Variants in CSMD3 observed in about 807,000 individuals in gnomAD.
The protein encoded by CSMD3 is CUB and sushi domain-containing protein 3.
CSMD3 carries 177 observed loss-of-function variants against 435.2 expected under a neutral mutation model. The observed-to-expected ratio is 0.41, with a 90% CI of 0.36 to 0.46. The LOEUF is 0.46. CSMD3 is among the 20% of genes least tolerant of loss of function. The pLI, the probability that CSMD3 is intolerant of heterozygous loss-of-function variation, is 0.34. For missense variants in CSMD3, 4,265 were observed against 4,504.6 expected, an observed-to-expected ratio of 0.95 and a Z score of 1.52; for synonymous variants, 1,656 against 1,520.5, an observed-to-expected ratio of 1.09 and a Z score of -2.07.
At chr8:113,310,049 C>T (rs1295919080) in intron 2 of CSMD3, 3 of 152,156 alleles carry the variant, frequency 2.0e-5, no homozygotes, top group Non-Finnish European at 4.4e-5. Flanking sequence ...TACAGCCAAA[C>T]ATCCAAAGTG....
chr8:112,324,403 T>C (rs958313172), intron 45 of CSMD3, among the ~76,000 whole-genome samples: 1 of 152,274 alleles, frequency 6.6e-6, no homozygotes, highest in Admixed American at 6.5e-5. Context: ...AATTTAGTTG[T>C]TTATTAAATA....
intron 3 of CSMD3, among the ~76,000 whole-genome samples, chr8:113,206,190 T>A (rs890668197): frequency 6.6e-6 from 1 of 151,896 alleles, no homozygotes; most frequent in Middle Eastern, 3.4e-3. Context: ...AAATTGCACA[T>A]GTCCCCCTAT....
At chr8:112,824,630 C>G (rs2079623803) in intron 12 of CSMD3, among the ~76,000 whole-genome samples, 1 of 152,124 alleles carries the variant, frequency 6.6e-6, no homozygotes, top group Non-Finnish European at 1.5e-5. Flanking sequence ...TGAATATTGG[C>G]CCCCATTCTC....
intron 24 of CSMD3, among the ~76,000 whole-genome samples, chr8:112,561,777 G>T (rs917250268): frequency 6.6e-6 from 1 of 151,580 alleles, no homozygotes; most frequent in Non-Finnish European, 1.5e-5. Flanking sequence ...TGTTTTGCAA[G>T]TGTTCATACA....
chr8:112,869,162 G>C (rs1458610049), intron 10 of CSMD3, among the ~76,000 whole-genome samples: 1 of 152,144 alleles, frequency 6.6e-6, no homozygotes, highest in Non-Finnish European at 1.5e-5. Flanking sequence ...GTGACAGTGT[G>C]CTTAGCTATT....
At chr8:112,628,037 A>T (rs780795223) in intron 22 of CSMD3, among the ~76,000 whole-genome samples, 1 of 152,184 alleles carries the variant, frequency 6.6e-6, no homozygotes, top group Admixed American at 6.6e-5. Flanking sequence ...GGATGTCTGT[A>T]AATTTGTTTG....
chr8:112,903,574 GT>G (rs1358192664), intron 10 of CSMD3, among the ~76,000 whole-genome samples: 5 of 150,948 alleles, frequency 3.3e-5, no homozygotes, highest in Non-Finnish European at 5.9e-5. Flanking sequence ...AATAATTTTT[GT>G]TTTTTCAGAA....
chr8:113,288,511 CCTT>C (rs963839667), intron 2 of CSMD3, among the ~76,000 whole-genome samples: 4 of 151,808 alleles, frequency 2.6e-5, no homozygotes, highest in South Asian at 2.1e-4. Context: ...ATAATGTCCC[CCTT>C]CTTATTTTTT....
chr8:113,075,937 G>C (rs2089316386), intron 5 of CSMD3, among the ~76,000 whole-genome samples: 1 of 151,698 alleles, frequency 6.6e-6, no homozygotes, highest in South Asian at 2.1e-4. Flanking sequence ...CTTAGTCAAA[G>C]ATAATTTAAT....
intron 3 of CSMD3, among the ~76,000 whole-genome samples, chr8:113,245,273 A>T (rs2093264027): frequency 6.6e-6 from 1 of 152,116 alleles, no homozygotes; most frequent in Non-Finnish European, 1.5e-5. Flanking sequence ...GTAAGTACCT[A>T]TTAGTTAGCA....
chr8:113,009,540 G>A (rs1002244434), intron 6 of CSMD3, among the ~76,000 whole-genome samples: 5 of 151,458 alleles, frequency 3.3e-5, no homozygotes, highest in African/African-American at 7.3e-5. Flanking sequence ...CCCTTGTCAC[G>A]TTGAAAAACT....
intron 27 of CSMD3, among the ~76,000 whole-genome samples, chr8:112,530,188 T>A (rs893244148): frequency 2.6e-5 from 4 of 152,066 alleles, no homozygotes; most frequent in African/African-American, 9.7e-5. Flanking sequence ...ATATTTACAT[T>A]ATGAGAGTGT....
At chr8:113,397,924 G>C (rs1039285920) in intron 1 of CSMD3, among the ~76,000 whole-genome samples, 3 of 152,066 alleles carry the variant, frequency 2.0e-5, no homozygotes, top group African/African-American at 7.2e-5. Context: ...GGTTTTGCTT[G>C]AATATTATGT....
Position 112,315,242 on chromosome 8 carries a change from A to G in CSMD3, c.7361-625T>C, listed in dbSNP as rs745349410. Among the ~76,000 whole-genome samples, 11 of 152,002 alleles carry G rather than the reference A, an allele frequency of 7.2e-5. No individual in the cohort carries two copies. The East Asian group carries it at 1.7e-3, about 24-fold the overall frequency. ...TTTAATAATATACCTCTGCTTTAAT[A>G]TAATATATGTATATATATCAACACA... On this transcript the variant is annotated intron_variant, in intron 47 of 70. Coordinates refer to ENST00000297405, the MANE Select transcript of CSMD3 (RefSeq NM_198123.2).
At chr8:112,663,702 G>C (rs1281695183) in intron 17 of CSMD3, among the ~76,000 whole-genome samples, 3 of 152,216 alleles carry the variant, frequency 2.0e-5, no homozygotes, top group Non-Finnish European at 4.4e-5. Context: ...AATTATTCCT[G>C]TGATGAGGGT....
chr8:113,373,653 A>G (rs1479929740), intron 1 of CSMD3, among the ~76,000 whole-genome samples: 1 of 152,018 alleles, frequency 6.6e-6, no homozygotes, highest in African/African-American at 2.4e-5. Context: ...TTTTCCTTCA[A>G]TGTTACTAAC....
chr8:112,802,376 A>AG (rs2078980048), intron 12 of CSMD3, among the ~76,000 whole-genome samples: 1 of 152,006 alleles, frequency 6.6e-6, no homozygotes, highest in South Asian at 2.1e-4. Flanking sequence ...GGGGAGTTAA[A>AG]GCCTAGGTAC....
chr8:112,479,028 G>A (rs912582962), intron 31 of CSMD3, among the ~76,000 whole-genome samples: 8 of 151,964 alleles, frequency 5.3e-5, no homozygotes, highest in Non-Finnish European at 1.2e-4. Flanking sequence ...AATAAAATTC[G>A]TCTTCACCCT....
intron 2 of CSMD3, among the ~76,000 whole-genome samples, chr8:113,303,317 G>A (rs959644595): frequency 2.8e-5 from 4 of 145,194 alleles, no homozygotes; most frequent in East Asian, 2.1e-4. Context: ...AATCAATATC[G>A]TGAAAATGGC....
Sources: allele counts gnomAD v4.1 joint callset (sites outside exome capture counted in the v4.1 genomes callset), GRCh38; gene constraint gnomAD v4.1.1; transcripts MANE v1.5; gene names NCBI Gene and HGNC (gene_info 2026-07-23, HGNC 2026-07-21).